The following SEMA3D variants were observed in gnomAD, a reference collection of about 807,000 sequenced individuals.
SEMA3D encodes semaphorin 3D, also known as semaphorin-3D.
In SEMA3D, 84 loss-of-function variants were observed where a neutral mutation model predicts 100.1. The ratio of observed to expected loss-of-function variants is 0.84; its 90% CI spans 0.70 to 1.01. The LOEUF (loss-of-function observed/expected upper bound fraction) is 1.01. SEMA3D is among the 50% of genes least tolerant of loss of function. The pLI is 0.00. For missense variants in SEMA3D, 875 were observed against 934.1 expected, an observed-to-expected ratio of 0.94 and a Z score of 0.82; for synonymous variants, 312 against 320.7, an observed-to-expected ratio of 0.97 and a Z score of 0.29.
In SEMA3D at chr7:85,059,987, AT is replaced by A. The variant is rs1467982799; in HGVS notation, c.719-4129del. On this transcript the variant is annotated intron_variant, in intron 8 of 18. Transcript: ENST00000284136. Reference sequence around the variant, plus strand: ...TATGATACTAGTCTACATTTCAGAAATTTCAGTATGACATCAATGAGGTGGG... The same window carrying A: ...TATGATACTAGTCTACATTTCAGAAATTCAGTATGACATCAATGAGGTGGG... 2.6e-5 allele frequency among the ~76,000 whole-genome samples: 4 copies of A among 152,192 alleles called. No homozygotes were observed. In the East Asian group the frequency reaches 7.7e-4, roughly 29 times the overall value.
rs1789484277 is a variant in SEMA3D, at chr7:84,995,845, C to T, written c.*3595G>A. 2.0e-5 allele frequency: 3 copies of T among 151,894 alleles called. No individual in the cohort carries two copies. Among genetic ancestry groups the T allele is most frequent in the Non-Finnish European group, 4.4e-5 (3 of 67,882 alleles). 9.4% of individuals were successfully genotyped at this position (151,894 alleles called of 1,614,324 possible). Reference sequence around the variant, plus strand: ...AGAGGTATAAGTCATGTGTATGATCCTGTCTTTGCACTCCTAATGTATGGA... The same window carrying T: ...AGAGGTATAAGTCATGTGTATGATCTTGTCTTTGCACTCCTAATGTATGGA... On this transcript the variant is annotated 3_prime_UTR_variant, in exon 19 of 19. Coordinates refer to ENST00000284136, the MANE Select transcript of SEMA3D (RefSeq NM_001384900.1).
chr7:84,999,723 A>G lies in SEMA3D; in HGVS notation c.2051T>C (p.Ile684Thr), dbSNP rs772463383. Reference sequence around the variant, plus strand: ...GGTATTTTCCATCTGTTCATTCTCAATGACATTCAAAGTCAGCTTCACTAT... The same window carrying G: ...GGTATTTTCCATCTGTTCATTCTCAGTGACATTCAAAGTCAGCTTCACTAT... ...HTIVKLTLNV[I>T]ENEQMENTQR... is the part of the protein sequence containing the mutation. Residue 684 changes from isoleucine (I) to threonine (T), a missense_variant, in exon 19 of 19, where the codon ATT becomes ACT. Coordinates refer to ENST00000284136, the MANE Select transcript of SEMA3D (RefSeq NM_001384900.1). 4.3e-6 allele frequency: 7 copies of G among 1,613,866 alleles called. No individual in the cohort carries two copies. Among genetic ancestry groups the G allele is most frequent in the Admixed American group, 1.7e-5 (1 of 59,942 alleles).
chr7:85,181,264 G>A (rs973869424), intron 1 of SEMA3D, among the ~76,000 whole-genome samples: 1 of 151,426 alleles, frequency 6.6e-6, no homozygotes, highest in Admixed American at 6.6e-5. Context: ...TTCCAGGACT[G>A]GATCAGGGTG....
chr7:85,192,397 C>T, the SEMA3D span, among the ~76,000 whole-genome samples: 1 of 151,808 alleles, frequency 6.6e-6, no homozygotes, highest in Non-Finnish European at 1.5e-5. Context: ...GACAATGAAA[C>T]TTAAAGTTAA....
intron 18 of SEMA3D, among the ~76,000 whole-genome samples, chr7:85,003,482 G>A (rs1789710070): frequency 6.6e-6 from 1 of 151,916 alleles, no homozygotes; most frequent in Non-Finnish European, 1.5e-5. Flanking sequence ...ATTGGGGAAG[G>A]AGTCTTTAAG....
chr7:85,175,388 T>C (rs1189050525), intron 1 of SEMA3D, among the ~76,000 whole-genome samples: 2 of 152,314 alleles, frequency 1.3e-5, no homozygotes, highest in African/African-American at 4.8e-5. Context: ...TACACATGTG[T>C]AAGCATAGCA....
At chr7:85,104,469 C>T (rs538764947) in intron 3 of SEMA3D, among the ~76,000 whole-genome samples, 1 of 152,146 alleles carries the variant, frequency 6.6e-6, no homozygotes, top group East Asian at 2.0e-4. Context: ...AATCTCTGCT[C>T]TTATTTGAAA....
chr7:85,177,035 G>A (rs924178668), intron 1 of SEMA3D, among the ~76,000 whole-genome samples: 1 of 152,048 alleles, frequency 6.6e-6, no homozygotes, highest in South Asian at 2.1e-4. Context: ...TAGCCTAGGA[G>A]CAATAGGCTA....
intron 2 of SEMA3D, among the ~76,000 whole-genome samples, chr7:85,134,728 T>C (rs1789810137): frequency 6.6e-6 from 1 of 151,994 alleles, no homozygotes; most frequent in Admixed American, 6.6e-5. Flanking sequence ...AAAGAAGAAC[T>C]CAGTCTCATC....
At chr7:85,223,623 A>G in the SEMA3D span, among the ~76,000 whole-genome samples, 2 of 152,028 alleles carry the variant, frequency 1.3e-5, no homozygotes, top group Admixed American at 1.3e-4. Context: ...AGCAAGTTGG[A>G]CGGACTTGGA....
chr7:85,140,505 A>T (rs1337732362), intron 2 of SEMA3D: 1 of 983,888 alleles, frequency 1.0e-6, no homozygotes, highest in Non-Finnish European at 1.2e-6. Flanking sequence ...AGAAAAATTG[A>T]GACACTGTTG....
intron 2 of SEMA3D, among the ~76,000 whole-genome samples, chr7:85,138,048 G>T (rs537268925): frequency 2.0e-5 from 3 of 152,202 alleles, no homozygotes; most frequent in African/African-American, 7.2e-5. Flanking sequence ...AATTTGGAAA[G>T]ATGCTTAGGC....
chr7:85,160,246 A>G (rs1266560367), intron 1 of SEMA3D, among the ~76,000 whole-genome samples: 1 of 152,174 alleles, frequency 6.6e-6, no homozygotes, highest in Middle Eastern at 3.2e-3. Flanking sequence ...TATGGTTAAG[A>G]GATGGATGAA....
chr7:85,181,134 T>A (rs1791390265), intron 1 of SEMA3D, among the ~76,000 whole-genome samples: 1 of 152,210 alleles, frequency 6.6e-6, no homozygotes, highest in Admixed American at 6.5e-5. Flanking sequence ...ATTACCTGGC[T>A]AAGATCGTGA....
intron 15 of SEMA3D, among the ~76,000 whole-genome samples, chr7:85,015,847 A>G (rs1369866138): frequency 6.6e-6 from 1 of 151,752 alleles, no homozygotes; most frequent in Non-Finnish European, 1.5e-5. Flanking sequence ...CCTGAAAGTA[A>G]TGCATTACTT....
intron 1 of SEMA3D, among the ~76,000 whole-genome samples, chr7:85,171,490 T>C (rs1791080629): frequency 6.6e-6 from 1 of 151,968 alleles, no homozygotes; most frequent in Non-Finnish European, 1.5e-5. Flanking sequence ...GATTGTTCCA[T>C]CTTCCCTACC....
intron 3 of SEMA3D, 134 bp from the exon 4 acceptor site, chr7:85,098,099 G>A (rs1448718670): frequency 7.2e-6 from 4 of 553,652 alleles, no homozygotes; most frequent in Non-Finnish European, 1.2e-5. Flanking sequence ...AAAAAAGAAA[G>A]AAAGAAAGAG....
chr7:85,058,747 CAAAAAA>C (rs67267318), intron 8 of SEMA3D, among the ~76,000 whole-genome samples: 1 of 64,268 alleles, frequency 1.6e-5, no homozygotes, highest in Non-Finnish European at 3.1e-5. Flanking sequence ...GACTCCACTA[CAAAAAA>C]AAAAAAAAAA....
chr7:85,053,923 G>C (rs558698396), intron 9 of SEMA3D, among the ~76,000 whole-genome samples: 27 of 151,834 alleles, frequency 1.8e-4, no homozygotes, highest in African/African-American at 5.8e-4. Context: ...CAGAGGTTTT[G>C]TGTGTGTGTA....
Sources: allele counts gnomAD v4.1 joint callset (sites outside exome capture counted in the v4.1 genomes callset), GRCh38; gene constraint gnomAD v4.1.1; transcripts MANE v1.5; gene names NCBI Gene and HGNC (gene_info 2026-07-23, HGNC 2026-07-21).